The following GLT1D1 variants were observed in gnomAD, a reference collection of about 807,000 sequenced individuals.
GLT1D1 encodes the protein glycosyltransferase 1 domain containing 1.
Under a neutral mutation model 28.7 loss-of-function variants are expected in GLT1D1, and 21 were observed. That is an observed-to-expected ratio of 0.73 (90% CI 0.52 to 1.05). GLT1D1 has a LOEUF of 1.05. GLT1D1 is among the 50% of genes least tolerant of loss of function. The pLI is 0.00. For synonymous variants in GLT1D1, 147 were observed against 124.8 expected (o/e 1.18, Z -1.19); for missense variants, 343 against 330.6 (o/e 1.04, Z -0.29).
chr12:128,942,897 C>T (rs1172404029), intron 4 of GLT1D1, among the ~76,000 whole-genome samples: 2 of 152,150 alleles, frequency 1.3e-5, no homozygotes, highest in East Asian at 3.9e-4. Flanking sequence ...GCTACAGGCG[C>T]GCCATCCAGC....
At chr12:128,941,338 C>T (rs1309574859) in intron 4 of GLT1D1, among the ~76,000 whole-genome samples, 1 of 152,222 alleles carries the variant, frequency 6.6e-6, no homozygotes, top group Non-Finnish European at 1.5e-5. Flanking sequence ...CCAACCTATT[C>T]TGCCTGAATG....
chr12:128,884,795 C>A (rs1367627034), intron 2 of GLT1D1, among the ~76,000 whole-genome samples: 1 of 151,616 alleles, frequency 6.6e-6, no homozygotes, highest in Non-Finnish European at 1.5e-5. Context: ...GCCTGGGTGA[C>A]CAAGTGAGAC....
intron 4 of GLT1D1, among the ~76,000 whole-genome samples, chr12:128,925,152 C>T (rs531628285): frequency 6.6e-6 from 1 of 151,646 alleles, no homozygotes; most frequent in African/African-American, 2.4e-5. Flanking sequence ...CTTTATATAC[C>T]TATGGACATG....
intron 4 of GLT1D1, among the ~76,000 whole-genome samples, chr12:128,905,423 AC>A (rs1421732477): frequency 1.3e-5 from 2 of 152,196 alleles, no homozygotes; most frequent in Admixed American, 6.5e-5. Flanking sequence ...CCTGGAGGAC[AC>A]ATGAACGGAC....
At chr12:128,960,461 T>G (rs1022938432) in intron 7 of GLT1D1, among the ~76,000 whole-genome samples, 5 of 152,168 alleles carry the variant, frequency 3.3e-5, no homozygotes, top group Admixed American at 1.3e-4. Context: ...TTGGCAAGAT[T>G]AATTTTAAAT....
At chr12:128,869,582 A>G (rs1218367876) in intron 1 of GLT1D1, among the ~76,000 whole-genome samples, 1 of 152,070 alleles carries the variant, frequency 6.6e-6, no homozygotes, top group Non-Finnish European at 1.5e-5. Flanking sequence ...TAATTTATAT[A>G]TTTACGTATA....
At chr12:128,890,785 G>A (rs1049076137) in intron 3 of GLT1D1, among the ~76,000 whole-genome samples, 3 of 152,172 alleles carry the variant, frequency 2.0e-5, no homozygotes, top group African/African-American at 7.2e-5. Flanking sequence ...GATCACCTGA[G>A]GTCAGGAGTT....
intron 1 of GLT1D1, among the ~76,000 whole-genome samples, chr12:128,874,843 C>G (rs1191782062): frequency 6.6e-6 from 1 of 152,068 alleles, no homozygotes; most frequent in Non-Finnish European, 1.5e-5. Flanking sequence ...TACGAATGCT[C>G]TTTATATATT....
At chr12:128,900,545 T>A (rs1870133739) in intron 4 of GLT1D1, among the ~76,000 whole-genome samples, 1 of 151,914 alleles carries the variant, frequency 6.6e-6, no homozygotes, top group African/African-American at 2.4e-5. Flanking sequence ...GCATGGAGGT[T>A]GTATTTCCTA....
intron 4 of GLT1D1, among the ~76,000 whole-genome samples, chr12:128,941,807 T>C (rs1593165310): frequency 6.6e-6 from 1 of 151,466 alleles, no homozygotes; most frequent in African/African-American, 2.4e-5. Flanking sequence ...TCTCGAACTC[T>C]TGATCACATG....
intron 7 of GLT1D1, among the ~76,000 whole-genome samples, chr12:128,978,454 G>T (rs1003907938): frequency 3.3e-5 from 5 of 152,194 alleles, no homozygotes; most frequent in South Asian, 4.1e-4. Context: ...CCTGAGGTCG[G>T]TGGGAATTGC....
In GLT1D1 at chr12:128,879,376, CTTTTTCTTTCTT is replaced by C. The variant is rs1431258619; in HGVS notation, c.217+3316_217+3327del. On this transcript the variant is annotated intron_variant, in intron 2 of 7. Coordinates refer to ENST00000281703, the MANE Select transcript of GLT1D1 (RefSeq NM_144669.3). Reference sequence around the variant, plus strand: ...GTAAAGTGATACTTATTATTTTTTTCTTTTTCTTTCTTTCTTTCTTTCTTTCTTTCTTTCTTT... The same window carrying C: ...GTAAAGTGATACTTATTATTTTTTTCTCTTTCTTTCTTTCTTTCTTTCTTT... Among the ~76,000 whole-genome samples the C allele has an allele frequency of 6.7e-4, 56 of 83,918 alleles. 4 individuals are homozygous for C. Among genetic ancestry groups the C allele is most frequent in the Middle Eastern group, 7.9e-3 (1 of 126 alleles). 55.1% of individuals were successfully genotyped at this position (83,918 alleles called of 152,430 possible). A position where few individuals can be genotyped will look rare whatever the true frequency, so the allele number is the denominator to read the frequency against.
At chr12:128,934,405 G>T (rs1483737130) in intron 4 of GLT1D1, among the ~76,000 whole-genome samples, 1 of 152,044 alleles carries the variant, frequency 6.6e-6, no homozygotes, top group Non-Finnish European at 1.5e-5. Flanking sequence ...TGTTGGCCAG[G>T]CTGGTCTCGA....
chr12:128,871,630 A>G (rs1188789069), intron 1 of GLT1D1, among the ~76,000 whole-genome samples: 1 of 152,106 alleles, frequency 6.6e-6, no homozygotes, highest in Admixed American at 6.5e-5. Flanking sequence ...TTTGAACCTC[A>G]TGTTTCTCTG....
chr12:128,982,442 T>A (rs1274740319), intron 7 of GLT1D1, among the ~76,000 whole-genome samples: 1 of 152,130 alleles, frequency 6.6e-6, no homozygotes, highest in East Asian at 1.9e-4. Flanking sequence ...CAGGCTTGGC[T>A]CTGCACCCAG....
chr12:128,922,089 A>G (rs1872715134), intron 4 of GLT1D1, among the ~76,000 whole-genome samples: 1 of 150,986 alleles, frequency 6.6e-6, no homozygotes, highest in African/African-American at 2.4e-5. Flanking sequence ...CTCCCTTCTC[A>G]GTGTGTCACA....
At chr12:128,974,317 G>T (rs1336721234) in intron 7 of GLT1D1, among the ~76,000 whole-genome samples, 2 of 152,036 alleles carry the variant, frequency 1.3e-5, no homozygotes, top group African/African-American at 4.8e-5. Flanking sequence ...AAGGGCTCTT[G>T]CTCCCTCCTA....
chr12:128,874,128 T>TCTCTCTCTC (rs1566091531), intron 1 of GLT1D1, among the ~76,000 whole-genome samples: 1 of 46,514 alleles, frequency 2.1e-5, no homozygotes. Flanking sequence ...CTCTCTCTCT[T>TCTCTCTCTC]TCTTTCTTTC....
intron 7 of GLT1D1, among the ~76,000 whole-genome samples, chr12:128,976,226 T>A (rs1358207160): frequency 6.6e-6 from 1 of 152,198 alleles, no homozygotes; most frequent in South Asian, 2.1e-4. Flanking sequence ...CACGGCAGGT[T>A]GCCTTAGACC....
Sources: allele counts gnomAD v4.1 joint callset (sites outside exome capture counted in the v4.1 genomes callset), GRCh38; gene constraint gnomAD v4.1.1; transcripts MANE v1.5; gene names NCBI Gene and HGNC (gene_info 2026-07-23, HGNC 2026-07-21).